The following IFFO2 variants were observed in gnomAD, a reference collection of about 807,000 sequenced individuals.
The protein encoded by IFFO2 is intermediate filament family orphan 2.
IFFO2 carries 19 observed loss-of-function variants against 53.5 expected under a neutral mutation model. The observed-to-expected ratio is 0.36, with a 90% CI of 0.25 to 0.52. IFFO2 has a LOEUF of 0.52. Among genes scored for constraint, IFFO2 ranks in the 20% least tolerant of loss-of-function variants. IFFO2 has a pLI of 0.94. For synonymous variants in IFFO2, 303 were observed against 313.6 expected (o/e 0.97, Z 0.36); for missense variants, 570 against 727.4 (o/e 0.78, Z 2.49).
At position 18,916,335 on chromosome 1, in the gene IFFO2, T is replaced by C. The variant is rs1936132792; in HGVS notation, c.1103+568A>G. ...AGGGAACATAAAGGATGCTGGCGAA[T>C]GGAAGAGTATGCGCCTGTCCAGATT... On this transcript the variant is annotated intron_variant, in intron 5 of 8. Coordinates refer to ENST00000455833, the MANE Select transcript of IFFO2 (RefSeq NM_001136265.2). The surrounding 1 kb of genome is among the most constrained non-coding windows in gnomAD (Gnocchi z 4.3). 6.6e-6 allele frequency among the ~76,000 whole-genome samples: 1 copy of C among 152,120 alleles called. No individual in the cohort carries two copies. Among genetic ancestry groups the C allele is most frequent in the African/African-American group, 2.4e-5 (1 of 41,412 alleles).
At chr1:18,950,893 A>G (rs1335230422) in intron 1 of IFFO2, among the ~76,000 whole-genome samples, 3 of 152,210 alleles carry the variant, frequency 2.0e-5, no homozygotes, top group Non-Finnish European at 4.4e-5. Context: ...AGTCCCTCCC[A>G]TCCCAGAAAG....
Position 18,912,077 on chromosome 1 carries a change from C to T in IFFO2, c.1110G>A (p.Glu370=), listed in dbSNP as rs1263141101. The change falls in exon 6 of 9, where the codon GAG becomes GAA. Residue 370 remains glutamate (E), a synonymous_variant. Transcript: ENST00000455833. ...EMKRMFNQLR[E]TFDFDDDCDS... Reference sequence around the variant, plus strand: ...CACAGTCGTCGTCAAAGTCAAAGGTCTCCCGCCTGTGGGGGTGACACCAGA... The same window carrying T: ...CACAGTCGTCGTCAAAGTCAAAGGTTTCCCGCCTGTGGGGGTGACACCAGA... 2.6e-6 allele frequency: 4 copies of T among 1,551,518 alleles called. No individual in the cohort carries two copies. Among genetic ancestry groups the T allele is most frequent in the African/African-American group, 2.7e-5 (2 of 73,032 alleles).
chr1:18,926,041 AT>A (rs1936288497), intron 1 of IFFO2, among the ~76,000 whole-genome samples: 1 of 135,474 alleles, frequency 7.4e-6, no homozygotes. Context: ...GGATGGATGG[AT>A]GGATGGATGG....
At chr1:18,937,172 G>A (rs1936460263) in intron 1 of IFFO2, among the ~76,000 whole-genome samples, 1 of 152,148 alleles carries the variant, frequency 6.6e-6, no homozygotes, top group African/African-American at 2.4e-5. Context: ...TCTCCAGGAG[G>A]GAGGAGGGAA....
At position 18,918,235 on chromosome 1, in the gene IFFO2, T is replaced by C; in HGVS notation, c.963+127A>G. 5 of 879,058 alleles carry C rather than the reference T, an allele frequency of 5.7e-6. No individual in the cohort carries two copies. The South Asian group carries it at 6.6e-5, about 12-fold the overall frequency. The allele number at this position is 879,058 out of a possible 1,614,324, so 54.5% of individuals were successfully genotyped here. ...GGGAGGCCACAGGGTCAGGTAGTGCTACCTCTCGGGGAAGGGGAGGGAGTG... is the reference window on the plus strand; with the variant it reads ...GGGAGGCCACAGGGTCAGGTAGTGCCACCTCTCGGGGAAGGGGAGGGAGTG... On this transcript the variant is annotated intron_variant, in intron 4 of 8. Coordinates refer to ENST00000455833, the MANE Select transcript of IFFO2 (RefSeq NM_001136265.2). This position sits in a 1 kb window ranked among gnomAD's most constrained non-coding sequence, Gnocchi z 5.2.
At chr1:18,925,854 T>G (rs867069273) in intron 1 of IFFO2, among the ~76,000 whole-genome samples, 528 of 17,482 alleles carry the variant, frequency 0.03, 2 homozygotes, top group Non-Finnish European at 0.042. Context: ...ATGGATGGAT[T>G]GGTTGGATGG....
chr1:18,947,881 G>A lies in IFFO2; in HGVS notation c.665+7787C>T, dbSNP rs549338549. On this transcript the variant is annotated intron_variant, in intron 1 of 8. Coordinates refer to ENST00000455833, the MANE Select transcript of IFFO2 (RefSeq NM_001136265.2). This position sits in a 1 kb window ranked among gnomAD's most constrained non-coding sequence, Gnocchi z 5.0. The stretch of plus-strand genomic sequence containing the variant: ...TTGTGACAGGTGCTGGGGAGACCCC[G>A]TGCCTCCTGCCTGCCTCCTCACCCT... Among the ~76,000 whole-genome samples the A allele has an allele frequency of 1.3e-5, 2 of 152,328 alleles. No individual in the cohort carries two copies. Among genetic ancestry groups the A allele is most frequent in the Admixed American group, 6.5e-5 (1 of 15,304 alleles).
At chr1:18,923,980 A>G (rs940020863) in intron 1 of IFFO2, among the ~76,000 whole-genome samples, 22 of 152,300 alleles carry the variant, frequency 1.4e-4, no homozygotes, top group Admixed American at 3.3e-4. Flanking sequence ...AGCTTGCACA[A>G]ATGATTTCAC....
At chr1:18,949,404 G>A (rs890827698) in intron 1 of IFFO2, among the ~76,000 whole-genome samples, 25 of 152,224 alleles carry the variant, frequency 1.6e-4, no homozygotes, top group Admixed American at 3.9e-4. Flanking sequence ...GCTTAGGACC[G>A]CCTGACAGCA....
intron 1 of IFFO2, among the ~76,000 whole-genome samples, chr1:18,937,859 C>T (rs1439763506): frequency 7.2e-5 from 11 of 152,268 alleles, no homozygotes; most frequent in Non-Finnish European, 1.6e-4. Context: ...CCGAGCACCC[C>T]ACACATGGGA....
chr1:18,931,843 C>A (rs903886328), intron 1 of IFFO2, among the ~76,000 whole-genome samples: 1 of 152,190 alleles, frequency 6.6e-6, no homozygotes. Context: ...CCTGCCCACA[C>A]CCCCAGCACA....
At chr1:18,912,596 C>T (rs28685155) in intron 5 of IFFO2, among the ~76,000 whole-genome samples, 72,356 of 152,042 alleles carry the variant, frequency 0.48, 19,095 homozygotes, top group Admixed American at 0.61. Context: ...TTTCCTACAG[C>T]TTTTTCCTCC....
Position 18,908,283 on chromosome 1 carries a change from C to T in IFFO2, c.*278G>A, listed in dbSNP as rs899904638. 1 of 432,278 alleles carries T rather than the reference C, an allele frequency of 2.3e-6. No individual in the cohort carries two copies. Among genetic ancestry groups the T allele is most frequent in the South Asian group, 2.2e-5 (1 of 45,322 alleles). 26.8% of individuals were successfully genotyped at this position (432,278 alleles called of 1,614,324 possible). A position where few individuals can be genotyped will look rare whatever the true frequency, so the allele number is the denominator to read the frequency against. On this transcript the variant is annotated 3_prime_UTR_variant, in exon 9 of 9. Coordinates refer to ENST00000455833, the MANE Select transcript of IFFO2 (RefSeq NM_001136265.2). ...CTTAAGGGAGAAGGCACAGTTAACA[C>T]TGCAAAGTCCGCACAGAAGTCTGCA...
chr1:18,915,865 C>T (rs1018049371), intron 5 of IFFO2, among the ~76,000 whole-genome samples: 1 of 152,182 alleles, frequency 6.6e-6, no homozygotes, highest in Non-Finnish European at 1.5e-5. Flanking sequence ...TAGCTCATGC[C>T]AGTAATCCCA....
intron 1 of IFFO2, among the ~76,000 whole-genome samples, chr1:18,953,652 T>C (rs1405755366): frequency 6.6e-6 from 1 of 152,020 alleles, no homozygotes; most frequent in Non-Finnish European, 1.5e-5. Context: ...ACATGAGTCT[T>C]GAGTTAACTT....
chr1:18,926,447 A>G (rs981441432), intron 1 of IFFO2, among the ~76,000 whole-genome samples: 1 of 152,184 alleles, frequency 6.6e-6, no homozygotes, highest in South Asian at 2.1e-4. Context: ...GGATGTCAGA[A>G]CAAAGAGTGC....
chr1:18,909,790 G>T (rs1936008124), intron 8 of IFFO2, among the ~76,000 whole-genome samples: 3 of 151,982 alleles, frequency 2.0e-5, no homozygotes, highest in Admixed American at 2.0e-4. Context: ...TTGAGACGGG[G>T]TCTTGCTATG....
intron 2 of IFFO2, among the ~76,000 whole-genome samples, chr1:18,920,551 C>T (rs942307543): frequency 8.5e-5 from 13 of 152,204 alleles, no homozygotes; most frequent in Non-Finnish European, 1.6e-4. Context: ...GGGGGAGTTG[C>T]AGAGCCCAGA....
At chr1:18,922,996 G>T (rs183404176) in intron 1 of IFFO2, among the ~76,000 whole-genome samples, 39 of 152,146 alleles carry the variant, frequency 2.6e-4, no homozygotes, top group Admixed American at 9.2e-4. Flanking sequence ...GGGGGTAAAG[G>T]CTGGAGCACA....
Sources: gnomAD v4.1 joint callset for allele counts (sites outside exome capture counted in the v4.1 genomes callset) on GRCh38, gnomAD v4.1.1 for gene constraint, Gnocchi (gnomAD v3.1) non-coding constraint, MANE v1.5 for transcripts, NCBI Gene and HGNC (gene_info 2026-07-23, HGNC 2026-07-21) for gene names.